PLEKHG1: variants seen among roughly 807,000 people sequenced by gnomAD.
PLEKHG1 encodes the protein pleckstrin homology domain-containing family G member 1.
In PLEKHG1, 44 loss-of-function variants were observed where a neutral mutation model predicts 100.8. That is an observed-to-expected ratio of 0.44 (90% CI 0.34 to 0.56). PLEKHG1 has a LOEUF of 0.56. Among genes scored for constraint, PLEKHG1 ranks in the 20% least tolerant of loss-of-function variants. PLEKHG1 has a pLI of 0.01. For synonymous variants in PLEKHG1, 640 were observed against 662.5 expected, an observed-to-expected ratio of 0.97 and a Z score of 0.52; for missense variants, 1,545 against 1,720.9, an observed-to-expected ratio of 0.90 and a Z score of 1.81.
At chr6:150,661,631 G>GA (rs1480446862) in intron 3 of PLEKHG1, among the ~76,000 whole-genome samples, 4 of 152,278 alleles carry the variant, frequency 2.6e-5, no homozygotes, top group South Asian at 4.2e-4. Context: ...TATTTGTGGA[G>GA]AAAAACCATG....
intron 5 of PLEKHG1, among the ~76,000 whole-genome samples, chr6:150,799,422 G>C (rs936354011): frequency 6.6e-6 from 1 of 152,178 alleles, no homozygotes; most frequent in South Asian, 2.1e-4. Flanking sequence ...CCCACACTCT[G>C]TTCCCCAGGG....
chr6:150,638,993 T>A (rs1472764845), intron 2 of PLEKHG1, among the ~76,000 whole-genome samples: 1 of 152,110 alleles, frequency 6.6e-6, no homozygotes, highest in African/African-American at 2.4e-5. Flanking sequence ...TTTTAATGAG[T>A]GGGGAATGTT....
Position 150,831,908 on chromosome 6 carries a change from C to T in PLEKHG1, c.2797C>T (p.Arg933Trp), listed in dbSNP as rs778973728. 1.7e-5 allele frequency: 27 copies of T among 1,613,934 alleles called. No individual in the cohort carries two copies. Among genetic ancestry groups the T allele is most frequent in the Middle Eastern group, 1.6e-4 (1 of 6,084 alleles). ...AGAAGGCTCCTTTATGAGCCTTAAC[C>T]GGCTTTCTCTGGCTAGTGAAATGCC... The change falls in exon 15 of 16, where the codon CGG (arginine) becomes TGG (tryptophan). Residue 933 changes from arginine to tryptophan, a missense_variant. Physicochemically the swap from Arg to Trp is moderately radical, Grantham distance 101. Coordinates refer to ENST00000358517, the Ensembl canonical transcript of PLEKHG1. This position sits in a 1 kb window ranked among gnomAD's most constrained non-coding sequence, Gnocchi z 4.1.
chr6:150,747,874 C>T (rs1167863388), intron 2 of PLEKHG1, among the ~76,000 whole-genome samples: 3 of 149,760 alleles, frequency 2.0e-5, no homozygotes, highest in Middle Eastern at 3.5e-3. Flanking sequence ...CCAGCCTAGG[C>T]GACAAGAGCG....
chr6:150,811,872 G>A (rs1272315907), intron 10 of PLEKHG1, among the ~76,000 whole-genome samples: 1 of 152,200 alleles, frequency 6.6e-6, no homozygotes, highest in Non-Finnish European at 1.5e-5. Flanking sequence ...TGTTCTGAGA[G>A]TGTAACTTTG....
intron 3 of PLEKHG1, among the ~76,000 whole-genome samples, chr6:150,775,227 C>G (rs1240006296): frequency 6.6e-6 from 1 of 151,972 alleles, no homozygotes; most frequent in Non-Finnish European, 1.5e-5. Context: ...TACTGCAAAC[C>G]AAAAAAGAAA....
At chr6:150,700,582 T>G (rs113630905) in intron 3 of PLEKHG1, among the ~76,000 whole-genome samples, 6,553 of 152,248 alleles carry the variant, frequency 0.043, 456 homozygotes, top group African/African-American at 0.15. Context: ...CACCCCCAAG[T>G]CACATATTCG....
chr6:150,842,346 T>C (rs1562575973), exon 16 of PLEKHG1: 1 of 152,156 alleles, frequency 6.6e-6, no homozygotes, highest in East Asian at 1.9e-4. Flanking sequence ...CAATAATATA[T>C]GTAGGGAAAG....
chr6:150,628,527 A>AGCACACACACAC (rs1358863303), intron 1 of PLEKHG1, among the ~76,000 whole-genome samples: 3 of 94,760 alleles, frequency 3.2e-5, no homozygotes, highest in South Asian at 9.4e-4. Context: ...TAGATAGGAA[A>AGCACACACACAC]ACACACACAC....
intron 2 of PLEKHG1, among the ~76,000 whole-genome samples, chr6:150,768,303 A>G (rs973257212): frequency 6.6e-6 from 1 of 152,246 alleles, no homozygotes; most frequent in African/African-American, 2.4e-5. Flanking sequence ...TGTTTTAATC[A>G]TACAAATCAG....
chr6:150,819,610 T>C (rs1776183539), intron 11 of PLEKHG1, 69 bp from the exon 13 acceptor site: 1 of 774,918 alleles, frequency 1.3e-6, no homozygotes, highest in African/African-American at 1.7e-5. Flanking sequence ...AAATCTACAC[T>C]AGCCATAACC....
At position 150,707,413 on chromosome 6, in the gene PLEKHG1, G is replaced by A. The variant is rs4242272; in HGVS notation, c.-98-26171G>A. Among the ~76,000 whole-genome samples the A allele has an allele frequency of 5.0e-3, 757 of 152,152 alleles. 13 individuals carry two copies. Among genetic ancestry groups the A allele is most frequent in the Admixed American group, 0.025 (389 of 15,276 alleles). On this transcript the variant is annotated intron_variant, in intron 3 of 3. Transcript: ENST00000367326. ...TAACCTAATATACAGTACAGTGTCC[G>A]GATGTGCCCACGTGTATAATCCAGA...
chr6:150,634,079 T>TA (rs1777880824), intron 1 of PLEKHG1, among the ~76,000 whole-genome samples: 1 of 147,818 alleles, frequency 6.8e-6, no homozygotes. Flanking sequence ...CCGTCTCTAC[T>TA]AACAACAACA....
chr6:150,636,389 A>G (rs1357165747), intron 1 of PLEKHG1, among the ~76,000 whole-genome samples: 1 of 152,140 alleles, frequency 6.6e-6, no homozygotes, highest in East Asian at 1.9e-4. Flanking sequence ...TCTGACGTGG[A>G]TGAACTCTGG....
chr6:150,660,843 A>C, intron 3 of PLEKHG1, among the ~76,000 whole-genome samples: 1 of 152,348 alleles, frequency 6.6e-6, no homozygotes, highest in South Asian at 2.1e-4. Context: ...ATTTCTAAAC[A>C]AAAGACATAT....
intron 4 of PLEKHG1, among the ~76,000 whole-genome samples, chr6:150,791,237 G>T (rs1785961880): frequency 6.6e-6 from 1 of 152,082 alleles, no homozygotes; most frequent in African/African-American, 2.4e-5. Flanking sequence ...AGGTAATTCT[G>T]ATACTCAAGT....
chr6:150,717,489 A>AT (rs570090727), upstream of PLEKHG1, among the ~76,000 whole-genome samples: 523 of 152,140 alleles, frequency 3.4e-3, 4 homozygotes, highest in African/African-American at 0.012. Flanking sequence ...CTGGGAAGGG[A>AT]TTTTTTTAAG....
intron 1 of PLEKHG1, among the ~76,000 whole-genome samples, chr6:150,733,313 T>G (rs1343720958): frequency 6.6e-6 from 1 of 152,180 alleles, no homozygotes; most frequent in Non-Finnish European, 1.5e-5. Context: ...TTAATGCTTC[T>G]AAGTCATTCT....
At chr6:150,710,281 T>A (rs1273500917) in intron 3 of PLEKHG1, among the ~76,000 whole-genome samples, 1 of 152,178 alleles carries the variant, frequency 6.6e-6, no homozygotes, top group Non-Finnish European at 1.5e-5. Context: ...CCCCTGGAAG[T>A]AGCCAGACAA....
Sources: allele counts gnomAD v4.1 joint callset (sites outside exome capture counted in the v4.1 genomes callset), GRCh38; gene constraint gnomAD v4.1.1; non-coding constraint Gnocchi (gnomAD v3.1); transcripts MANE v1.5; gene names NCBI Gene and HGNC (gene_info 2026-07-23, HGNC 2026-07-21).